Variants in EYA3 observed in about 807,000 individuals in gnomAD.
The protein encoded by EYA3 is protein phosphatase EYA3.
A neutral mutation model predicts 80.0 loss-of-function variants in EYA3; 39 were observed. The ratio of observed to expected loss-of-function variants is 0.49; its 90% CI spans 0.38 to 0.64. The LOEUF (loss-of-function observed/expected upper bound fraction) is 0.64. Ranked by LOEUF, EYA3 falls within the 30% of genes least tolerant of loss-of-function variation. EYA3 has a pLI of 0.00. For missense variants in EYA3, 523 were observed against 676.1 expected (o/e 0.77, Z 2.51); for synonymous variants, 206 against 232.8 (o/e 0.88, Z 1.05).
chr1:28,083,484 C>T (rs1645503649), intron 1 of EYA3, among the ~76,000 whole-genome samples: 1 of 151,672 alleles, frequency 6.6e-6, no homozygotes, highest in Non-Finnish European at 1.5e-5. Context: ...TGTGCCACTG[C>T]ACTCTAGCCT....
chr1:28,015,495 C>T (rs891485686), intron 8 of EYA3, among the ~76,000 whole-genome samples: 1 of 152,152 alleles, frequency 6.6e-6, no homozygotes, highest in African/African-American at 2.4e-5. Context: ...CGCCACTGCA[C>T]TCTGGCCTGG....
chr1:28,004,257 A>G, intron 11 of EYA3, 79 bp downstream of exon 11: 1 of 1,004,198 alleles, frequency 1.0e-6, no homozygotes, highest in Non-Finnish European at 1.5e-6. Context: ...TAGCAGAGAA[A>G]TAATTTGTTA....
rs1033707307 is a variant in EYA3 at position 27,993,452 on chromosome 1, G to A, written c.1251C>T (p.Phe417=). ...GGVDWMRKLA[F]RYRKVREIYD... ...AGATTTCTCTCACTTTCCGGTAGCG[G>A]AAAGCTAGTTTCCTCATCCAGTCCA... Residue 417 remains phenylalanine, a synonymous_variant, in exon 14 of 18, where the codon TTC becomes TTT. Coordinates refer to ENST00000373871, the MANE Select transcript of EYA3 (RefSeq NM_001990.4). 3.1e-6 allele frequency: 5 copies of A among 1,613,302 alleles called. No homozygotes were observed. The South Asian group carries it at 4.4e-5, about 14-fold the overall frequency.
At chr1:28,033,657 A>ATTT (rs1267286529) in intron 6 of EYA3, among the ~76,000 whole-genome samples, 6 of 125,862 alleles carry the variant, frequency 4.8e-5, no homozygotes, top group African/African-American at 8.7e-5. Context: ...TATTATTATT[A>ATTT]TTATTATTAT....
intron 1 of EYA3, among the ~76,000 whole-genome samples, chr1:28,069,718 T>G (rs1471194413): frequency 6.6e-6 from 1 of 151,916 alleles, no homozygotes; most frequent in Non-Finnish European, 1.5e-5. Context: ...TATCATGAAA[T>G]AGATTTCTAG....
At chr1:27,975,589 C>T (rs1010135879) in intron 17 of EYA3, among the ~76,000 whole-genome samples, 2 of 149,670 alleles carry the variant, frequency 1.3e-5, no homozygotes, top group Non-Finnish European at 3.0e-5. Context: ...GGGTTCACGC[C>T]ATTCTCCTGC....
Position 27,974,325 on chromosome 1 carries a change from G to C in EYA3, c.*141C>G, listed in dbSNP as rs113041610. On this transcript the variant is annotated 3_prime_UTR_variant, in exon 18 of 18. Coordinates refer to ENST00000373871, the MANE Select transcript of EYA3 (RefSeq NM_001990.4). ...AGGAAGGGAGGGAGGGAGAGAGGGAGAGAGAGAAAGAGAGAAAGAGAGAGA... is the reference window on the plus strand; with the variant it reads ...AGGAAGGGAGGGAGGGAGAGAGGGACAGAGAGAAAGAGAGAAAGAGAGAGA... 8 of 521,996 alleles carry C rather than the reference G, an allele frequency of 1.5e-5. No individual in the cohort carries two copies. The highest frequency in any genetic ancestry group is 7.6e-5 in the African/African-American group (4 of 52,448). The allele number at this position is 521,996 out of a possible 1,614,324, so 32.3% of individuals were successfully genotyped here.
intron 11 of EYA3, 22 bp downstream of exon 11, chr1:28,004,314 C>T (rs761611303): frequency 1.9e-6 from 3 of 1,555,014 alleles, no homozygotes; most frequent in African/African-American, 2.7e-5. Flanking sequence ...GGGACAGTTA[C>T]AACAAAGAAG....
At chr1:27,987,216 T>A (rs763267577) in intron 16 of EYA3, among the ~76,000 whole-genome samples, 4 of 152,248 alleles carry the variant, frequency 2.6e-5, no homozygotes, top group Admixed American at 6.5e-5. Context: ...AGTATTTGTC[T>A]TTTTGTGATT....
chr1:27,984,446 TCA>T (rs966869468), intron 16 of EYA3, among the ~76,000 whole-genome samples: 1 of 152,160 alleles, frequency 6.6e-6, no homozygotes, highest in Non-Finnish European at 1.5e-5. Flanking sequence ...CACCTTAAGA[TCA>T]CACAGATACT....
intron 16 of EYA3, among the ~76,000 whole-genome samples, chr1:27,982,496 C>T (rs887839395): frequency 3.3e-5 from 5 of 150,396 alleles, no homozygotes; most frequent in Admixed American, 1.3e-4. Context: ...CATTACAGAA[C>T]AAAACTTTTC....
chr1:28,040,203 CA>C (rs1643698266), intron 4 of EYA3, among the ~76,000 whole-genome samples: 1 of 152,064 alleles, frequency 6.6e-6, no homozygotes, highest in Non-Finnish European at 1.5e-5. Context: ...GGGGATGAGG[CA>C]AAGACTTTGA....
intron 3 of EYA3, among the ~76,000 whole-genome samples, chr1:28,043,509 G>T (rs1282000364): frequency 7.2e-5 from 11 of 152,126 alleles, no homozygotes; most frequent in African/African-American, 2.7e-4. Context: ...TTCTTGATCA[G>T]CTACAAACCA....
intron 1 of EYA3, among the ~76,000 whole-genome samples, chr1:28,059,507 T>C (rs374282099): frequency 3.9e-5 from 6 of 152,336 alleles, no homozygotes; most frequent in African/African-American, 1.2e-4. Flanking sequence ...TAAAACTGAT[T>C]CACAGCTATG....
rs1238452444 is a variant in EYA3 at position 27,970,958 on chromosome 1, G to A, written c.*3508C>T. 1 of 152,230 alleles carries A rather than the reference G, an allele frequency of 6.6e-6. No individual in the cohort carries two copies. Among genetic ancestry groups the A allele is most frequent in the African/African-American group, 2.4e-5 (1 of 41,446 alleles). The allele number at this position is 152,230 out of a possible 1,614,324, so 9.4% of individuals were successfully genotyped here. A position where few individuals can be genotyped will look rare whatever the true frequency, so the allele number is the denominator to read the frequency against. ...ACATCTAGAAGCTCCACATGCTGCA[G>A]CTAGAGTTTGCAAGTCAGATTCTAT... On this transcript the variant is annotated 3_prime_UTR_variant, in exon 18 of 18. Coordinates refer to ENST00000373871, the MANE Select transcript of EYA3 (RefSeq NM_001990.4).
intron 8 of EYA3, among the ~76,000 whole-genome samples, chr1:28,014,986 T>C (rs1253329726): frequency 2.0e-5 from 3 of 152,200 alleles, no homozygotes; most frequent in Admixed American, 2.0e-4. Flanking sequence ...TCATTGGGTA[T>C]CTCTACCATA....
intron 6 of EYA3, among the ~76,000 whole-genome samples, chr1:28,035,195 G>A (rs1481915396): frequency 6.6e-6 from 1 of 152,102 alleles, no homozygotes; most frequent in Admixed American, 6.6e-5. Flanking sequence ...ACTACCTGGT[G>A]TTAGCAAGAA....
chr1:27,978,285 T>A (rs1320579179), intron 17 of EYA3, 89 bp downstream of exon 17: 4 of 933,154 alleles, frequency 4.3e-6, no homozygotes, highest in African/African-American at 3.3e-5. Flanking sequence ...TATAAATGCA[T>A]AATAGATTGC....
intron 9 of EYA3, 107 bp from the exon 10 acceptor site, chr1:28,011,193 A>G: frequency 8.0e-7 from 1 of 1,255,644 alleles, no homozygotes; most frequent in Non-Finnish European, 1.1e-6. Context: ...TAATGCAGGG[A>G]TAAAGGTTGG....
Sources: allele counts gnomAD v4.1 joint callset (sites outside exome capture counted in the v4.1 genomes callset), GRCh38; gene constraint gnomAD v4.1.1; transcripts MANE v1.5; gene names NCBI Gene and HGNC (gene_info 2026-07-23, HGNC 2026-07-21).